LARGE1: variants seen among roughly 807,000 people sequenced by gnomAD.
LARGE1 encodes the protein xylosyl- and glucuronyltransferase LARGE1.
In LARGE1, 43 loss-of-function variants were observed where a neutral mutation model predicts 87.6. The ratio of observed to expected loss-of-function variants is 0.49; its 90% CI spans 0.38 to 0.63. The LOEUF is 0.63. Among genes scored for constraint, LARGE1 ranks in the 30% least tolerant of loss-of-function variants. The pLI, the probability that LARGE1 is intolerant of heterozygous loss-of-function variation, is 0.00. For missense variants in LARGE1, 802 were observed against 1,000.2 expected, an observed-to-expected ratio of 0.80 and a Z score of 2.67; for synonymous variants, 434 against 394.6, an observed-to-expected ratio of 1.10 and a Z score of -1.18.
intron 11 of LARGE1, among the ~76,000 whole-genome samples, chr22:33,229,824 A>G (rs970449619): frequency 6.6e-6 from 1 of 152,034 alleles, no homozygotes; most frequent in African/African-American, 2.4e-5. Flanking sequence ...AAACCAATCC[A>G]TATCTTAACA....
chr22:33,545,270 T>C (rs866325798), intron 6 of LARGE1, among the ~76,000 whole-genome samples: 1,868 of 150,996 alleles, frequency 0.012, 43 homozygotes, highest in African/African-American at 0.043. Flanking sequence ...TTTTCTTTTT[T>C]TTTTTTTTTT....
chr22:33,660,090 G>GTTTT (rs35643369), intron 2 of LARGE1, among the ~76,000 whole-genome samples: 42 of 125,414 alleles, frequency 3.3e-4, no homozygotes, highest in East Asian at 2.7e-3. Flanking sequence ...GTGTGTGTGT[G>GTTTT]TTTTTTTTTT....
At chr22:33,255,184 T>C (rs958137494) in intron 11 of LARGE1, among the ~76,000 whole-genome samples, 1 of 152,202 alleles carries the variant, frequency 6.6e-6, no homozygotes, top group African/African-American at 2.4e-5. Context: ...GTGATCCGCC[T>C]GCCTCGGCCT....
At chr22:33,791,004 T>C (rs2085805164) in intron 1 of LARGE1, among the ~76,000 whole-genome samples, 1 of 152,232 alleles carries the variant, frequency 6.6e-6, no homozygotes, top group African/African-American at 2.4e-5. Flanking sequence ...GCAGTAACTT[T>C]TCATTTTACC....
At chr22:33,325,873 C>G (rs1165926437) in intron 10 of LARGE1, among the ~76,000 whole-genome samples, 1 of 152,192 alleles carries the variant, frequency 6.6e-6, no homozygotes, top group Non-Finnish European at 1.5e-5. Flanking sequence ...ATGAGACAGG[C>G]AAGGCTGCCC....
At chr22:33,511,019 C>A (rs1215816024) in intron 6 of LARGE1, among the ~76,000 whole-genome samples, 1 of 152,178 alleles carries the variant, frequency 6.6e-6, no homozygotes, top group Non-Finnish European at 1.5e-5. Context: ...GGTGCCGATA[C>A]AGTTCTGTAT....
chr22:33,757,052 G>A (rs1164280496), intron 2 of LARGE1, among the ~76,000 whole-genome samples: 1 of 152,166 alleles, frequency 6.6e-6, no homozygotes, highest in East Asian at 1.9e-4. Flanking sequence ...TAAGAACTAA[G>A]GGGTTAACGC....
rs1568990975 is a variant in LARGE1 at position 33,253,907 on chromosome 22, G to GTT, written c.1730+50321_1730+50322insAA. 7.2e-5 allele frequency among the ~76,000 whole-genome samples: 4 copies of GTT among 55,706 alleles called. No individual in the cohort carries two copies. In the East Asian group the frequency reaches 2.0e-3, roughly 28 times the overall value. 36.5% of individuals were successfully genotyped at this position (55,706 alleles called of 152,430 possible). Reference sequence around the variant, plus strand: ...TCCCAATTTTCATTCTTTCCTTCTTGGTTTTTTTTTTTTTTTAGTAAAAGA... The same window carrying GTT: ...TCCCAATTTTCATTCTTTCCTTCTTGTTGTTTTTTTTTTTTTTTAGTAAAAGA... On this transcript the variant is annotated intron_variant, in intron 11 of 11. Coordinates refer to the LARGE1 transcript ENST00000608642.
intron 11 of LARGE1, among the ~76,000 whole-genome samples, chr22:33,237,697 G>A (rs1408332901): frequency 6.6e-6 from 1 of 152,172 alleles, no homozygotes; most frequent in Middle Eastern, 3.2e-3. Context: ...TGCTAGCAGG[G>A]GAAGAGCAGA....
chr22:33,630,194 G>A (rs1024560947), intron 3 of LARGE1, among the ~76,000 whole-genome samples: 3 of 151,502 alleles, frequency 2.0e-5, no homozygotes, highest in African/African-American at 7.3e-5. Flanking sequence ...AACAAAACTC[G>A]GTCTCAAAAA....
chr22:33,749,912 C>A (rs1182625608), intron 2 of LARGE1, among the ~76,000 whole-genome samples: 1 of 152,078 alleles, frequency 6.6e-6, no homozygotes, highest in Non-Finnish European at 1.5e-5. Flanking sequence ...GAATAAAGGA[C>A]CTTTTTAGAC....
chr22:33,786,419 A>C (rs1387379695), intron 1 of LARGE1, among the ~76,000 whole-genome samples: 1 of 152,186 alleles, frequency 6.6e-6, no homozygotes, highest in African/African-American at 2.4e-5. Context: ...TGGTCCCTGG[A>C]ATTCCATCTC....
chr22:33,539,476 G>C (rs2077129865), intron 6 of LARGE1, among the ~76,000 whole-genome samples: 1 of 152,092 alleles, frequency 6.6e-6, no homozygotes, highest in Non-Finnish European at 1.5e-5. Flanking sequence ...TATTAGCTAG[G>C]CTGGCTTGAC....
chr22:33,829,911 C>T (rs1233113411), intron 1 of LARGE1, among the ~76,000 whole-genome samples: 1 of 152,118 alleles, frequency 6.6e-6, no homozygotes, highest in Non-Finnish European at 1.5e-5. Context: ...ACCACCATTC[C>T]CTACAAGGGT....
At chr22:33,246,053 C>T (rs548908289) in intron 11 of LARGE1, among the ~76,000 whole-genome samples, 2 of 152,300 alleles carry the variant, frequency 1.3e-5, no homozygotes, top group Admixed American at 6.5e-5. Context: ...AAGCTTGAAA[C>T]CTTGCAAATA....
At chr22:33,850,915 A>T (rs1051319474) in intron 1 of LARGE1, among the ~76,000 whole-genome samples, 1 of 152,158 alleles carries the variant, frequency 6.6e-6, no homozygotes, top group Admixed American at 6.5e-5. Context: ...TTAAAAAAAA[A>T]GACACCACCT....
At chr22:33,674,280 A>C (rs9619366) in intron 2 of LARGE1, among the ~76,000 whole-genome samples, 78,820 of 151,898 alleles carry the variant, frequency 0.52, 20,927 homozygotes, top group African/African-American at 0.63. Context: ...CCCCTGGTGG[A>C]CACCATTCCA....
intron 9 of LARGE1, among the ~76,000 whole-genome samples, chr22:33,368,830 T>C (rs955422053): frequency 5.3e-5 from 8 of 152,190 alleles, no homozygotes; most frequent in African/African-American, 2.4e-5. Context: ...ACAACAGCAT[T>C]ATGTCTAAAA....
At chr22:33,870,998 C>T (rs1434902378) in intron 1 of LARGE1, among the ~76,000 whole-genome samples, 2 of 152,204 alleles carry the variant, frequency 1.3e-5, no homozygotes, top group African/African-American at 2.4e-5. Context: ...CCCACTATAA[C>T]CAGAACAGTG....
Sources: gnomAD v4.1 joint callset for allele counts (sites outside exome capture counted in the v4.1 genomes callset) on GRCh38, gnomAD v4.1.1 for gene constraint, MANE v1.5 for transcripts, NCBI Gene and HGNC (gene_info 2026-07-23, HGNC 2026-07-21) for gene names.